Variants in RBFOX1 observed in about 807,000 individuals in gnomAD.
RBFOX1 encodes RNA binding fox-1 homolog 1.
A neutral mutation model predicts 57.7 loss-of-function variants in RBFOX1; 8 were observed. The observed-to-expected ratio is 0.14, with a 90% CI of 0.08 to 0.25. The LOEUF is 0.25. Among genes scored for constraint, RBFOX1 ranks in the 10% least tolerant of loss-of-function variants. The probability of loss-of-function intolerance (pLI) is 1.00; values close to 1 mark genes in which losing one functional copy is unlikely to be tolerated. For missense variants in RBFOX1, 611 were observed against 548.5 expected (o/e 1.11, Z -1.14); for synonymous variants, 326 against 222.4 (o/e 1.47, Z -4.15).
At chr16:7,096,568 C>G (rs574440680) in intron 4 of RBFOX1, among the ~76,000 whole-genome samples, 2 of 152,242 alleles carry the variant, frequency 1.3e-5, no homozygotes, top group East Asian at 3.9e-4. Flanking sequence ...GAACCCATCC[C>G]TGATACTCAA....
At chr16:5,729,396 CTT>C (rs71142649) in intron 3 of RBFOX1, among the ~76,000 whole-genome samples, 15,847 of 111,182 alleles carry the variant, frequency 0.14, 1,001 homozygotes, top group East Asian at 0.43. Flanking sequence ...TTTTTCTTTT[CTT>C]TTTTTTTTTT....
chr16:6,468,895 G>C (rs1448858720), intron 2 of RBFOX1, among the ~76,000 whole-genome samples: 2 of 152,016 alleles, frequency 1.3e-5, no homozygotes, highest in Non-Finnish European at 2.9e-5. Flanking sequence ...CAGGTATTAA[G>C]CCTAGTACCT....
At chr16:5,378,691 A>G (rs1374067103) in intron 1 of RBFOX1, among the ~76,000 whole-genome samples, 1 of 151,362 alleles carries the variant, frequency 6.6e-6, no homozygotes, top group Non-Finnish European at 1.5e-5. Flanking sequence ...TCCTGTTCCT[A>G]TTACCGATGG....
intron 2 of RBFOX1, among the ~76,000 whole-genome samples, chr16:5,490,030 A>G (rs371298480): frequency 2.6e-5 from 4 of 152,206 alleles, no homozygotes; most frequent in African/African-American, 7.2e-5. Context: ...GACCTCGGCC[A>G]CTGTTAGAGG....
At chr16:5,338,347 C>G (rs2064950529) in intron 1 of RBFOX1, among the ~76,000 whole-genome samples, 1 of 152,148 alleles carries the variant, frequency 6.6e-6, no homozygotes, top group Non-Finnish European at 1.5e-5. Context: ...AGTAGAGATG[C>G]TTGTTAATCT....
intron 2 of RBFOX1, among the ~76,000 whole-genome samples, chr16:6,319,687 C>A (rs1414342957): frequency 6.6e-6 from 1 of 152,130 alleles, no homozygotes; most frequent in Admixed American, 6.6e-5. Context: ...CTCCCAGGAA[C>A]CAGCATCTGT....
chr16:7,424,833 C>G (rs2098594432), intron 4 of RBFOX1, among the ~76,000 whole-genome samples: 2 of 152,112 alleles, frequency 1.3e-5, no homozygotes, highest in African/African-American at 4.8e-5. Flanking sequence ...TCTTCAGGTT[C>G]TGGGTCTCCC....
At chr16:5,514,368 G>A (rs2043713434) in intron 2 of RBFOX1, among the ~76,000 whole-genome samples, 1 of 152,192 alleles carries the variant, frequency 6.6e-6, no homozygotes, top group Non-Finnish European at 1.5e-5. Flanking sequence ...GAGTGAGAAA[G>A]GAAGTAGCAA....
chr16:6,131,277 C>G (rs2096627884), intron 1 of RBFOX1, among the ~76,000 whole-genome samples: 1 of 152,138 alleles, frequency 6.6e-6, no homozygotes, highest in South Asian at 2.1e-4. Context: ...AGCCTAAGCC[C>G]CATGTATTGC....
chr16:5,566,048 C>T (rs575948120), intron 2 of RBFOX1, among the ~76,000 whole-genome samples: 2 of 152,234 alleles, frequency 1.3e-5, no homozygotes, highest in African/African-American at 4.8e-5. Context: ...TTCTCTTTGC[C>T]ATATGAGATG....
intron 3 of RBFOX1, among the ~76,000 whole-genome samples, chr16:6,757,265 C>G (rs774682346): frequency 6.6e-6 from 1 of 152,066 alleles, no homozygotes; most frequent in African/African-American, 2.4e-5. Context: ...AAAAATAGAA[C>G]TACCATAAAA....
At chr16:7,337,011 A>G (rs1036096229) in intron 4 of RBFOX1, among the ~76,000 whole-genome samples, 6 of 152,336 alleles carry the variant, frequency 3.9e-5, no homozygotes, top group Non-Finnish European at 8.8e-5. Flanking sequence ...TTCCACTGAA[A>G]TAACTTTCTG....
intron 2 of RBFOX1, among the ~76,000 whole-genome samples, chr16:6,457,184 A>G (rs2094794382): frequency 6.6e-6 from 1 of 152,208 alleles, no homozygotes; most frequent in African/African-American, 2.4e-5. Context: ...CAGAGGAGAA[A>G]GGATTTATAA....
intron 4 of RBFOX1, among the ~76,000 whole-genome samples, chr16:7,507,111 A>G (rs2073586585): frequency 6.6e-6 from 1 of 152,210 alleles, no homozygotes. Context: ...TAGTTTCACC[A>G]TTATGCTCTT....
chr16:5,598,723 A>G (rs2047268154), intron 2 of RBFOX1, among the ~76,000 whole-genome samples: 1 of 152,196 alleles, frequency 6.6e-6, no homozygotes, highest in Non-Finnish European at 1.5e-5. Context: ...GCTTGTGGCC[A>G]TTGCGCAGGG....
At chr16:6,981,949 A>C (rs1270210952) in intron 3 of RBFOX1, among the ~76,000 whole-genome samples, 1 of 152,180 alleles carries the variant, frequency 6.6e-6, no homozygotes, top group Non-Finnish European at 1.5e-5. Context: ...TTACAATAGA[A>C]CTTTTTATTG....
In RBFOX1 at chr16:6,892,901, C is replaced by G. The variant is rs899583371; in HGVS notation, c.-15-159156C>G. ...CTCTGCTCATTTCTCACCACTCACTCTCAGTCTTTGCTCCTCAGCTATTCT... is the reference window on the plus strand; with the variant it reads ...CTCTGCTCATTTCTCACCACTCACTGTCAGTCTTTGCTCCTCAGCTATTCT... On this transcript the variant is annotated intron_variant, in intron 3 of 15. Transcript: ENST00000550418. Among the ~76,000 whole-genome samples the G allele has an allele frequency of 9.9e-5, 15 of 152,068 alleles. No individual in the cohort carries two copies. In the South Asian group the frequency reaches 2.5e-3, roughly 25 times the overall value.
At chr16:5,829,617 G>C (rs371597298) in intron 3 of RBFOX1, among the ~76,000 whole-genome samples, 1 of 151,924 alleles carries the variant, frequency 6.6e-6, no homozygotes, top group African/African-American at 2.4e-5. Flanking sequence ...TCTCTCTTCA[G>C]TAACAGCCCC....
chr16:5,304,378 C>T (rs759369143), intron 1 of RBFOX1, among the ~76,000 whole-genome samples: 2 of 152,178 alleles, frequency 1.3e-5, no homozygotes, highest in Non-Finnish European at 2.9e-5. Flanking sequence ...ATTTATATCA[C>T]AGGTATATGG....
Sources: allele counts gnomAD v4.1 joint callset (sites outside exome capture counted in the v4.1 genomes callset), GRCh38; gene constraint gnomAD v4.1.1; transcripts MANE v1.5; gene names NCBI Gene and HGNC (gene_info 2026-07-23, HGNC 2026-07-21).